GLIS3: variants seen among roughly 807,000 people sequenced by gnomAD.
The protein encoded by GLIS3 is zinc finger protein GLIS3.
A neutral mutation model predicts 78.6 loss-of-function variants in GLIS3; 53 were observed. That is an observed-to-expected ratio of 0.67 (90% CI 0.54 to 0.85). The LOEUF (loss-of-function observed/expected upper bound fraction) is 0.85. GLIS3 is among the 40% of genes least tolerant of loss of function. The probability of loss-of-function intolerance (pLI) is 0.00; values close to 1 mark genes in which losing one functional copy is unlikely to be tolerated. For synonymous variants in GLIS3, 684 were observed against 509.9 expected (o/e 1.34, Z -4.60); for missense variants, 1,703 against 1,231.1 (o/e 1.38, Z -5.74).
chr9:4,024,615 G>A (rs989838982), intron 4 of GLIS3, among the ~76,000 whole-genome samples: 3 of 152,134 alleles, frequency 2.0e-5, no homozygotes, highest in African/African-American at 4.8e-5. Context: ...AGGTTGCCTC[G>A]CATAACATAG....
At chr9:4,193,015 G>C (rs1818472573) in intron 2 of GLIS3, among the ~76,000 whole-genome samples, 3 of 152,170 alleles carry the variant, frequency 2.0e-5, no homozygotes, top group Non-Finnish European at 4.4e-5. Context: ...TGATCATGAG[G>C]GAATCAATAA....
chr9:4,060,924 C>T (rs948316453), intron 4 of GLIS3, among the ~76,000 whole-genome samples: 1 of 152,186 alleles, frequency 6.6e-6, no homozygotes, highest in African/African-American at 2.4e-5. Context: ...ACCACTCCCA[C>T]TTTGCCCATG....
chr9:4,415,947 C>A, the GLIS3 span, among the ~76,000 whole-genome samples: 1 of 151,550 alleles, frequency 6.6e-6, no homozygotes, highest in African/African-American at 2.4e-5. Context: ...ATTAACAATT[C>A]TTTGAATATA....
intron 2 of GLIS3, among the ~76,000 whole-genome samples, chr9:4,222,184 A>C (rs1347726134): frequency 6.6e-6 from 1 of 152,188 alleles, no homozygotes; most frequent in Non-Finnish European, 1.5e-5. Flanking sequence ...TGTAAGCTCT[A>C]AGTGCTGTAC....
intron 5 of GLIS3, chr9:3,932,912 A>G (rs1825702750): frequency 3.7e-5 from 12 of 325,330 alleles, no homozygotes; most frequent in South Asian, 3.2e-4. Flanking sequence ...TATTTTTCAG[A>G]AGAAACCTGA....
chr9:3,835,333 C>T (rs755353748), intron 9 of GLIS3, among the ~76,000 whole-genome samples: 4 of 152,162 alleles, frequency 2.6e-5, no homozygotes, highest in Non-Finnish European at 4.4e-5. Flanking sequence ...AGGAACCCCT[C>T]AAAAACATCA....
At chr9:4,381,583 A>G in the GLIS3 span, among the ~76,000 whole-genome samples, 16 of 152,318 alleles carry the variant, frequency 1.1e-4, no homozygotes, top group African/African-American at 3.9e-4. Flanking sequence ...ACATTTTGGT[A>G]CTAATATCTG....
In GLIS3 at chr9:4,222,018, C is replaced by A. The variant is rs1008865387; in HGVS notation, c.388+64020G>T. On this transcript the variant is annotated intron_variant, in intron 2 of 10. Coordinates refer to ENST00000381971, the MANE Select transcript of GLIS3 (RefSeq NM_001042413.2). ...GAACCAGAAAGGGAAGGAGAAGCTA[C>A]TTTGGCTCTTGAGTTGAAGTTTAGC... Among the ~76,000 whole-genome samples, 4 of 152,332 alleles carry A rather than the reference C, an allele frequency of 2.6e-5. No individual in the cohort carries two copies. In the South Asian group the frequency reaches 8.3e-4, roughly 32 times the overall value.
At position 4,024,731 on chromosome 9, in the gene GLIS3, C is replaced by CTTAATTCT. The variant is rs1442290692; in HGVS notation, c.1711-87550_1711-87543dup. On this transcript the variant is annotated intron_variant, in intron 4 of 10. Coordinates refer to ENST00000381971, the MANE Select transcript of GLIS3 (RefSeq NM_001042413.2). ...CTTTTAAGATTACAGGCAAGATTTA[C>CTTAATTCT]TTAATTCTTCTTCTTCTGTATAACA... 4.1e-4 allele frequency among the ~76,000 whole-genome samples: 62 copies of CTTAATTCT among 152,162 alleles called. 1 individual carries two copies. The highest frequency in any genetic ancestry group is 4.1e-3 in the Admixed American group (62 of 15,280).
chr9:3,840,879 C>T (rs1369161802), intron 9 of GLIS3, among the ~76,000 whole-genome samples: 1 of 152,180 alleles, frequency 6.6e-6, no homozygotes, highest in Non-Finnish European at 1.5e-5. Context: ...CTCATCTGGT[C>T]TGTAGCAAGC....
chr9:4,278,389 A>T (rs1396059945), intron 2 of GLIS3, among the ~76,000 whole-genome samples: 1 of 152,202 alleles, frequency 6.6e-6, no homozygotes, highest in Non-Finnish European at 1.5e-5. Context: ...AGCCTAGAAC[A>T]TCTTGTTATG....
intron 7 of GLIS3, among the ~76,000 whole-genome samples, chr9:3,892,814 T>C (rs553166229): frequency 2.6e-5 from 4 of 152,284 alleles, no homozygotes; most frequent in South Asian, 2.1e-4. Context: ...ATAAAAAGTA[T>C]TAGCTTCTCA....
chr9:3,967,796 G>A (rs1818068059), intron 4 of GLIS3, among the ~76,000 whole-genome samples: 1 of 152,242 alleles, frequency 6.6e-6, no homozygotes, highest in South Asian at 2.1e-4. Context: ...TCATATATGT[G>A]TATATATTTG....
chr9:3,878,072 C>T (rs1422875403), intron 8 of GLIS3, among the ~76,000 whole-genome samples: 2 of 152,060 alleles, frequency 1.3e-5, no homozygotes, highest in African/African-American at 4.8e-5. Flanking sequence ...CTGACGGTGT[C>T]CTTTCTGTTC....
At chr9:3,899,267 T>G (rs1588178419) in intron 6 of GLIS3, among the ~76,000 whole-genome samples, 1 of 152,312 alleles carries the variant, frequency 6.6e-6, no homozygotes, top group Admixed American at 6.5e-5. Context: ...GAGATTTAAC[T>G]CCTATAGATT....
chr9:4,418,184 A>G, the GLIS3 span, among the ~76,000 whole-genome samples: 2 of 152,358 alleles, frequency 1.3e-5, no homozygotes, highest in Admixed American at 1.3e-4. Flanking sequence ...GGATATAGCC[A>G]GATGTCCTTT....
intron 4 of GLIS3, among the ~76,000 whole-genome samples, chr9:3,952,111 T>C (rs968038070): frequency 2.6e-5 from 4 of 152,168 alleles, no homozygotes; most frequent in African/African-American, 9.7e-5. Context: ...AAAATGCCTA[T>C]TTACAGCTTC....
At chr9:3,833,775 C>T (rs1270996002) in intron 9 of GLIS3, among the ~76,000 whole-genome samples, 1 of 152,160 alleles carries the variant, frequency 6.6e-6, no homozygotes, top group Non-Finnish European at 1.5e-5. Flanking sequence ...AATCACCCCT[C>T]TACTTTAAAA....
At chr9:4,206,099 C>T (rs1418682733) in intron 2 of GLIS3, among the ~76,000 whole-genome samples, 1 of 152,078 alleles carries the variant, frequency 6.6e-6, no homozygotes, top group Admixed American at 6.5e-5. Flanking sequence ...ACAAGATCCC[C>T]CCATTTTCAA....
Sources: gnomAD v4.1 joint callset for allele counts (sites outside exome capture counted in the v4.1 genomes callset) on GRCh38, gnomAD v4.1.1 for gene constraint, MANE v1.5 for transcripts, NCBI Gene and HGNC (gene_info 2026-07-23, HGNC 2026-07-21) for gene names.